PTPRM: variants seen among roughly 807,000 people sequenced by gnomAD.
PTPRM encodes protein tyrosine phosphatase receptor type M.
In PTPRM, 47 loss-of-function variants were observed where a neutral mutation model predicts 186.7. That is an observed-to-expected ratio of 0.25 (90% confidence interval 0.20 to 0.32). The LOEUF is 0.32. PTPRM is among the 10% of genes least tolerant of loss of function. The pLI, the probability that PTPRM is intolerant of heterozygous loss-of-function variation, is 1.00. For missense variants in PTPRM, 1,494 were observed against 1,865.0 expected, an observed-to-expected ratio of 0.80 and a Z score of 3.66; for synonymous variants, 668 against 674.9, an observed-to-expected ratio of 0.99 and a Z score of 0.16.
At chr18:8,344,448 GTATATATATATA>G (rs1207996603) in intron 23 of PTPRM, among the ~76,000 whole-genome samples, 3 of 33,420 alleles carry the variant, frequency 9.0e-5, no homozygotes, top group Non-Finnish European at 2.1e-4. Flanking sequence ...GTGTGTGTGT[GTATATATATATA>G]TATATATATA....
chr18:7,837,135 A>T (rs2046090485), intron 2 of PTPRM, among the ~76,000 whole-genome samples: 1 of 152,084 alleles, frequency 6.6e-6, no homozygotes, highest in African/African-American at 2.4e-5. Context: ...TAAGTCCAAT[A>T]ACTCTTAGAT....
chr18:8,140,645 T>C (rs1345750256), intron 13 of PTPRM, among the ~76,000 whole-genome samples: 1 of 152,068 alleles, frequency 6.6e-6, no homozygotes, highest in African/African-American at 2.4e-5. Context: ...CTCCCTGTAA[T>C]ATTTAGCTTA....
chr18:7,667,386 A>G (rs987352874), intron 1 of PTPRM, among the ~76,000 whole-genome samples: 4 of 152,186 alleles, frequency 2.6e-5, no homozygotes, highest in African/African-American at 9.6e-5. Context: ...AATGAAGACA[A>G]TTTTAATATT....
At chr18:7,628,055 T>TA (rs1272819424) in intron 1 of PTPRM, among the ~76,000 whole-genome samples, 1 of 152,096 alleles carries the variant, frequency 6.6e-6, no homozygotes, top group Non-Finnish European at 1.5e-5. Context: ...ATAAGTAATA[T>TA]AAAAAATATG....
intron 1 of PTPRM, among the ~76,000 whole-genome samples, chr18:7,726,437 G>A (rs2040550690): frequency 1.3e-5 from 2 of 152,080 alleles, no homozygotes; most frequent in African/African-American, 2.4e-5. Flanking sequence ...TATCCTGTGC[G>A]TTGTTAATAA....
At chr18:8,344,936 G>A (rs1043339234) in intron 23 of PTPRM, among the ~76,000 whole-genome samples, 2 of 152,156 alleles carry the variant, frequency 1.3e-5, no homozygotes, top group Non-Finnish European at 2.9e-5. Flanking sequence ...AGGGAGAAGG[G>A]AGAGGAGCAC....
intron 2 of PTPRM, among the ~76,000 whole-genome samples, chr18:7,795,502 C>G (rs1221976253): frequency 6.6e-6 from 1 of 151,442 alleles, no homozygotes; most frequent in East Asian, 1.9e-4. Context: ...TTGGAGTACC[C>G]AGAGAAGCCA....
intron 1 of PTPRM, among the ~76,000 whole-genome samples, chr18:7,569,481 A>T (rs2036519318): frequency 6.6e-6 from 1 of 152,232 alleles, no homozygotes; most frequent in Admixed American, 6.5e-5. Flanking sequence ...TTATTAGTGA[A>T]TAATAGAGTA....
intron 1 of PTPRM, among the ~76,000 whole-genome samples, chr18:7,647,532 G>A (rs960944297): frequency 6.6e-6 from 1 of 152,162 alleles, no homozygotes; most frequent in African/African-American, 2.4e-5. Flanking sequence ...CCTACAAGAT[G>A]GTGAAATTTT....
At chr18:8,093,095 T>C (rs980083981) in intron 11 of PTPRM, among the ~76,000 whole-genome samples, 1 of 152,130 alleles carries the variant, frequency 6.6e-6, no homozygotes, top group African/African-American at 2.4e-5. Flanking sequence ...TATGGTTTAG[T>C]AGTTCAAGGT....
chr18:7,672,188 T>C (rs1009477272), intron 1 of PTPRM, among the ~76,000 whole-genome samples: 1 of 152,196 alleles, frequency 6.6e-6, no homozygotes, highest in Non-Finnish European at 1.5e-5. Context: ...AAGCAAAATA[T>C]GTGTTTATGA....
At chr18:7,658,322 A>C (rs2038898211) in intron 1 of PTPRM, among the ~76,000 whole-genome samples, 1 of 130,466 alleles carries the variant, frequency 7.7e-6, no homozygotes, top group African/African-American at 3.3e-5. Flanking sequence ...CCTAAAATTA[A>C]AGTAAATTTA....
chr18:7,950,525 A>G (rs1009913290), intron 6 of PTPRM, among the ~76,000 whole-genome samples: 4 of 152,242 alleles, frequency 2.6e-5, no homozygotes, highest in African/African-American at 7.2e-5. Context: ...GTATGTGGCT[A>G]TGGGCCAGTG....
At chr18:7,685,334 A>C (rs7240069) in intron 1 of PTPRM, among the ~76,000 whole-genome samples, 27,047 of 152,068 alleles carry the variant, frequency 0.18, 3,696 homozygotes, top group African/African-American at 0.39. Flanking sequence ...GATTTGTGGA[A>C]AGAAATTTTA....
intron 1 of PTPRM, among the ~76,000 whole-genome samples, chr18:7,588,582 C>T (rs2037042360): frequency 6.6e-6 from 1 of 152,180 alleles, no homozygotes; most frequent in Non-Finnish European, 1.5e-5. Flanking sequence ...GGAATCTTCA[C>T]ACTTTTGGTT....
At chr18:7,865,791 C>T (rs1474124629) in intron 2 of PTPRM, among the ~76,000 whole-genome samples, 9 of 152,020 alleles carry the variant, frequency 5.9e-5, no homozygotes, top group Admixed American at 5.2e-4. Flanking sequence ...TGATAGAATT[C>T]GGCTGTGAAT....
intron 2 of PTPRM, among the ~76,000 whole-genome samples, chr18:7,811,222 C>T (rs2044495211): frequency 6.6e-6 from 1 of 152,226 alleles, no homozygotes; most frequent in African/African-American, 2.4e-5. Context: ...TGGTTTCCAT[C>T]AGAGACACCC....
intron 14 of PTPRM, among the ~76,000 whole-genome samples, chr18:8,216,828 T>G (rs1446833748): frequency 3.3e-5 from 5 of 152,274 alleles, no homozygotes; most frequent in African/African-American, 4.8e-5. Context: ...CTGTTAATAT[T>G]CAGCAAGAGT....
At chr18:7,888,049 G>C in intron 2 of PTPRM, 57 bp from the exon 3 acceptor site, 2 of 1,607,656 alleles carry the variant, frequency 1.2e-6, no homozygotes, top group Non-Finnish European at 1.7e-6. Flanking sequence ...TGGGTTTTCA[G>C]AGATAACCAG....
Sources: gnomAD v4.1 joint callset for allele counts (sites outside exome capture counted in the v4.1 genomes callset) on GRCh38, gnomAD v4.1.1 for gene constraint, MANE v1.5 for transcripts, NCBI Gene and HGNC (gene_info 2026-07-23, HGNC 2026-07-21) for gene names.